CCDC171: variants seen among roughly 807,000 people sequenced by gnomAD.
CCDC171 encodes coiled-coil domain containing 171.
In CCDC171, 177 loss-of-function variants were observed where a neutral mutation model predicts 168.2. The ratio of observed to expected loss-of-function variants is 1.05; its 90% CI spans 0.93 to 1.19. The LOEUF (loss-of-function observed/expected upper bound fraction) is 1.19. Ranked by LOEUF, CCDC171 falls within the 50% of genes most tolerant of loss-of-function variation. The pLI is 0.00. For missense variants in CCDC171, 1,991 were observed against 1,539.0 expected (o/e 1.29, Z -4.91); for synonymous variants, 687 against 540.8 (o/e 1.27, Z -3.75).
Position 15,579,091 on chromosome 9 carries a change from G to C in CCDC171, c.352+68G>C, listed in dbSNP as rs896868516. 4 of 1,255,384 alleles carry C rather than the reference G, an allele frequency of 3.2e-6. No homozygotes were observed. In the East Asian group the frequency reaches 7.2e-5, roughly 23 times the overall value. The allele number at this position is 1,255,384 out of a possible 1,614,324, so 77.8% of individuals were successfully genotyped here. On this transcript the variant is annotated intron_variant, in intron 4 of 25. Transcript: ENST00000380701. ...TGATTGTATATCACTCCTCGCTGTT[G>C]TGTGTACATCCCATACAGGGTCAGA...
intron 21 of CCDC171, among the ~76,000 whole-genome samples, chr9:15,805,924 A>T (rs1318821186): frequency 1.3e-5 from 2 of 152,164 alleles, no homozygotes; most frequent in African/African-American, 4.8e-5. Flanking sequence ...AATGTGCTTT[A>T]TGAATCTAGA....
intron 24 of CCDC171, among the ~76,000 whole-genome samples, chr9:15,881,206 G>A (rs1411745662): frequency 6.6e-6 from 1 of 152,102 alleles, no homozygotes; most frequent in South Asian, 2.1e-4. Flanking sequence ...TGCACAAGTA[G>A]AACTAAAATT....
At chr9:15,635,938 T>G (rs1257954251) in intron 7 of CCDC171, among the ~76,000 whole-genome samples, 2 of 152,222 alleles carry the variant, frequency 1.3e-5, no homozygotes, top group African/African-American at 4.8e-5. Flanking sequence ...CTCTAGATCC[T>G]CACCAACAGC....
chr9:15,913,286 T>C (rs1246563354), intron 24 of CCDC171, among the ~76,000 whole-genome samples: 1 of 152,226 alleles, frequency 6.6e-6, no homozygotes, highest in Non-Finnish European at 1.5e-5. Flanking sequence ...AATTTATCCA[T>C]GTCATCTAGA....
chr9:16,106,453 C>G, the CCDC171 span, among the ~76,000 whole-genome samples: 1 of 152,106 alleles, frequency 6.6e-6, no homozygotes, highest in African/African-American at 2.4e-5. Flanking sequence ...CCCGGGCCTC[C>G]CAACCCAGTG....
At position 15,723,671 on chromosome 9, in the gene CCDC171, T is replaced by A; in HGVS notation, c.1426-10T>A. The A allele has an allele frequency of 6.3e-7, 1 of 1,586,898 alleles. No individual in the cohort carries two copies. The highest frequency in any genetic ancestry group is 8.6e-7 in the Non-Finnish European group (1 of 1,164,020). On this transcript the variant is annotated splice_polypyrimidine_tract_variant and intron_variant, in intron 12 of 25. Coordinates refer to ENST00000380701, the MANE Select transcript of CCDC171 (RefSeq NM_173550.4). ...TCTTTCATCAGCTAAACAGCATGAATGATGTTAAGGAAAAGGCATGTAATG... is the reference window on the plus strand; with the variant it reads ...TCTTTCATCAGCTAAACAGCATGAAAGATGTTAAGGAAAAGGCATGTAATG...
intron 10 of CCDC171, among the ~76,000 whole-genome samples, chr9:15,681,063 A>C (rs968565312): frequency 6.6e-6 from 1 of 152,008 alleles, no homozygotes; most frequent in Non-Finnish European, 1.5e-5. Flanking sequence ...TTTTTTTTCT[A>C]AAACATTTAC....
At chr9:15,651,200 C>T (rs373452835) in intron 7 of CCDC171, among the ~76,000 whole-genome samples, 1 of 152,152 alleles carries the variant, frequency 6.6e-6, no homozygotes, top group East Asian at 1.9e-4. Context: ...CTTCCACCTC[C>T]CGGGTTCAAG....
At chr9:15,877,509 A>G (rs1818011555) in intron 24 of CCDC171, among the ~76,000 whole-genome samples, 1 of 152,094 alleles carries the variant, frequency 6.6e-6, no homozygotes. Context: ...TTGATCAAGC[A>G]CAGCCTACCA....
intron 6 of CCDC171, among the ~76,000 whole-genome samples, chr9:15,596,634 T>G (rs1328531073): frequency 5.3e-5 from 8 of 151,942 alleles, no homozygotes; most frequent in African/African-American, 1.9e-4. Flanking sequence ...GTGGGCTCTT[T>G]TTTGGTTCCA....
At chr9:15,996,511 G>A (rs1832379746) in intron 3 of CCDC171, among the ~76,000 whole-genome samples, 1 of 150,156 alleles carries the variant, frequency 6.7e-6, no homozygotes, top group Non-Finnish European at 1.5e-5. Flanking sequence ...ATCACATGAG[G>A]TCGGGTGTGG....
chr9:15,899,002 C>G (rs1035310784), intron 24 of CCDC171, among the ~76,000 whole-genome samples: 17 of 152,274 alleles, frequency 1.1e-4, no homozygotes, highest in Admixed American at 9.8e-4. Context: ...CTCATAGCAG[C>G]CACTAAATAG....
Position 15,821,109 on chromosome 9 carries a change from A to T in CCDC171, c.3268-25593A>T, listed in dbSNP as rs546384049. Reference sequence around the variant, plus strand: ...ATCACATGATTATCTCAATAGATGCAGAAAAGGCCTTTGACAAAATTCAAC... The same window carrying T: ...ATCACATGATTATCTCAATAGATGCTGAAAAGGCCTTTGACAAAATTCAAC... On this transcript the variant is annotated intron_variant, in intron 21 of 25. Transcript: ENST00000380701. Among the ~76,000 whole-genome samples, 7 of 117,894 alleles carry T rather than the reference A, an allele frequency of 5.9e-5. 1 individual carries two copies. The East Asian group carries it at 1.5e-3, about 25-fold the overall frequency. 77.3% of individuals were successfully genotyped at this position (117,894 alleles called of 152,430 possible).
chr9:15,646,281 C>A (rs1587705485), intron 7 of CCDC171, among the ~76,000 whole-genome samples: 1 of 152,082 alleles, frequency 6.6e-6, no homozygotes, highest in African/African-American at 2.4e-5. Flanking sequence ...TGATACGAGC[C>A]CCTGCAAAAA....
At chr9:15,590,702 T>A (rs1173193426) in intron 4 of CCDC171, among the ~76,000 whole-genome samples, 1 of 152,216 alleles carries the variant, frequency 6.6e-6, no homozygotes, top group Non-Finnish European at 1.5e-5. Context: ...ATTTGTAATC[T>A]ACTCTTTTTA....
At chr9:15,907,570 G>C (rs1210153445) in intron 24 of CCDC171, among the ~76,000 whole-genome samples, 5 of 152,238 alleles carry the variant, frequency 3.3e-5, no homozygotes, top group Non-Finnish European at 7.4e-5. Flanking sequence ...AGAAAACCTA[G>C]GCATTACCAT....
intron 16 of CCDC171, among the ~76,000 whole-genome samples, chr9:15,738,468 G>C (rs903044313): frequency 1.3e-5 from 2 of 152,052 alleles, no homozygotes; most frequent in Non-Finnish European, 2.9e-5. Context: ...TGTTTTTATG[G>C]GGGAATTTGA....
intron 9 of CCDC171, among the ~76,000 whole-genome samples, chr9:15,669,618 A>G (rs2048966867): frequency 6.6e-6 from 1 of 152,156 alleles, no homozygotes; most frequent in Non-Finnish European, 1.5e-5. Context: ...TGAATTTTCA[A>G]ATATAGTAAA....
the CCDC171 span, among the ~76,000 whole-genome samples, chr9:16,096,799 C>G: frequency 6.6e-6 from 1 of 152,240 alleles, no homozygotes; most frequent in Middle Eastern, 3.4e-3. Flanking sequence ...ACTGCACCAT[C>G]CAGAGTGAAA....
Sources: gnomAD v4.1 joint callset for allele counts (sites outside exome capture counted in the v4.1 genomes callset) on GRCh38, gnomAD v4.1.1 for gene constraint, MANE v1.5 for transcripts, NCBI Gene and HGNC (gene_info 2026-07-23, HGNC 2026-07-21) for gene names.